Variants in ZKSCAN7 observed in about 807,000 individuals in gnomAD.
The protein encoded by ZKSCAN7 is zinc finger with KRAB and SCAN domains 7, also known as zinc finger protein with KRAB and SCAN domains 7.
ZKSCAN7 carries 38 observed loss-of-function variants against 65.3 expected under a neutral mutation model. The observed-to-expected ratio is 0.58, with a 90% confidence interval of 0.45 to 0.76. The LOEUF is 0.76. Among genes scored for constraint, ZKSCAN7 ranks in the 30% least tolerant of loss-of-function variants. The pLI is 0.00. For missense variants in ZKSCAN7, 815 were observed against 913.3 expected (o/e 0.89, Z 1.39); for synonymous variants, 321 against 321.0 (o/e 1.00, Z 0.00).
downstream of ZKSCAN7, among the ~76,000 whole-genome samples, chr3:44,576,632 C>G (rs1326972433): frequency 6.6e-6 from 1 of 152,160 alleles, no homozygotes; most frequent in Non-Finnish European, 1.5e-5. Flanking sequence ...TGATATTTGT[C>G]TGCAGATAGG....
chr3:44,558,174 G>GGTGT lies in ZKSCAN7; in HGVS notation c.423+724_423+727dup, dbSNP rs113889875. ...AGAGGTAGAATCAGTAGGAGAGAGGGGTGTGTGTGTGTGTGTGTGTGTGGG... is the reference window on the plus strand; with the variant it reads ...AGAGGTAGAATCAGTAGGAGAGAGGGGTGTGTGTGTGTGTGTGTGTGTGTGTGGG... On this transcript the variant is annotated intron_variant, in intron 2 of 5. Coordinates refer to ENST00000426540, the MANE Select transcript of ZKSCAN7 (RefSeq NM_001288590.2). Among the ~76,000 whole-genome samples, 25 of 148,526 alleles carry GGTGT rather than the reference G, an allele frequency of 1.7e-4. No individual in the cohort carries two copies. The East Asian group carries it at 2.0e-3, about 12-fold the overall frequency.
intron 5 of ZKSCAN7, chr3:44,580,904 C>G (rs1339698256): frequency 6.8e-6 from 11 of 1,613,494 alleles, no homozygotes; most frequent in Non-Finnish European, 8.5e-6. Flanking sequence ...TGGGTTTTGC[C>G]TGCGTCAGGT....
rs1699822154 is a variant in ZKSCAN7, at chr3:44,572,086, G to A, written c.*711G>A. 1.0e-6 allele frequency: 1 copy of A among 984,246 alleles called. No homozygotes were observed. The highest frequency in any genetic ancestry group is 4.7e-5 in the South Asian group (1 of 21,258). The allele number at this position is 984,246 out of a possible 1,614,324, so 61.0% of individuals were successfully genotyped here. The stretch of plus-strand genomic sequence containing the variant: ...CTTATTGTAGGCTCTTTGAGGTCAG[G>A]TATGTATTTCTTTCCCATATAGATA... On this transcript the variant is annotated 3_prime_UTR_variant, in exon 6 of 6. Transcript: ENST00000426540.
At position 44,579,571 on chromosome 3, in the gene ZKSCAN7, C is replaced by T. The variant is rs569802729; in HGVS notation, c.812-3401C>T. Among the ~76,000 whole-genome samples, 7 of 152,318 alleles carry T rather than the reference C, an allele frequency of 4.6e-5. 1 individual carries two copies. Among genetic ancestry groups the T allele is most frequent in the Admixed American group, 2.0e-4 (3 of 15,300 alleles). On this transcript the variant is annotated intron_variant, in intron 5 of 5. Transcript: ENST00000341840. Reference sequence around the variant, plus strand: ...CCTCTGGCAACCAGCTGGTCACATCCGGGGCGGTGGTCGGGTGCACATGCT... The same window carrying T: ...CCTCTGGCAACCAGCTGGTCACATCTGGGGCGGTGGTCGGGTGCACATGCT...
At position 44,570,660 on chromosome 3, in the gene ZKSCAN7, A is replaced by T. The variant is rs1204702494; in HGVS notation, c.1550A>T (p.His517Leu). 1 of 1,614,120 alleles carries T rather than the reference A, an allele frequency of 6.2e-7. No individual in the cohort carries two copies. The highest frequency in any genetic ancestry group is 1.1e-5 in the South Asian group (1 of 91,082). ...SKSLARHQVL[H>L]TGKKPYKCNE... ...AGTCTTGCTCGACATCAGGTCCTGC[A>T]CACTGGTAAGAAACCTTACAAATGC... Residue 517 changes from histidine to leucine, a missense_variant, in exon 6 of 6, where the codon CAC (histidine) becomes CTC (leucine). Physicochemically the swap from His to Leu is moderately conservative, Grantham distance 99. Transcript: ENST00000426540.
chr3:44,557,273 C>T lies in ZKSCAN7; in HGVS notation c.226C>T (p.Arg76Trp), dbSNP rs746326139. Reference sequence around the variant, plus strand: ...GCCGCAGGAAGCATTGAGCCGGCTTCGGGAGCTCTGCCGCTGGTGGCTCAT... The same window carrying T: ...GCCGCAGGAAGCATTGAGCCGGCTTTGGGAGCTCTGCCGCTGGTGGCTCAT... ...SGPQEALSRLRELCRWWLMPE... is the reference protein window; with the variant it reads ...SGPQEALSRLWELCRWWLMPE... The change falls in exon 2 of 6, where the codon CGG becomes TGG. Residue 76 changes from arginine (R) to tryptophan (W), a missense_variant. By Grantham distance (101) the Arg-to-Trp change is moderately radical. This residue lies in a region of ZKSCAN7 where 227 missense variants were observed against 253.3 expected (regional missense o/e 0.90). Transcript: ENST00000426540. 2.2e-5 allele frequency: 36 copies of T among 1,614,148 alleles called. No homozygotes were observed. In the Middle Eastern group the frequency reaches 1.2e-3, roughly 52 times the overall value.
chr3:44,557,519 G>C (rs777192238), intron 2 of ZKSCAN7, 49 bp downstream of exon 2: 1 of 1,609,860 alleles, frequency 6.2e-7, no homozygotes, highest in Non-Finnish European at 8.5e-7. Flanking sequence ...CTAATGCTTG[G>C]GTTAGCCTAG....
chr3:44,575,377 C>T (rs1394184299), downstream of ZKSCAN7, among the ~76,000 whole-genome samples: 2 of 152,148 alleles, frequency 1.3e-5, no homozygotes, highest in African/African-American at 4.8e-5. Context: ...TCAGCTCTTC[C>T]GTCTCTAAAG....
downstream of ZKSCAN7, among the ~76,000 whole-genome samples, chr3:44,572,426 A>T (rs923075462): frequency 1.7e-5 from 2 of 116,042 alleles, no homozygotes; most frequent in Admixed American, 1.7e-4. Context: ...GTGTGTGTGT[A>T]TGTGTGTGAA....
downstream of ZKSCAN7, among the ~76,000 whole-genome samples, chr3:44,576,410 T>C (rs1699924605): frequency 1.3e-5 from 2 of 152,212 alleles, no homozygotes; most frequent in African/African-American, 4.8e-5. Context: ...GGGGGCCAAC[T>C]GTATGATGTT....
intron 5 of ZKSCAN7, among the ~76,000 whole-genome samples, chr3:44,578,749 G>T (rs552194461): frequency 1.3e-5 from 2 of 152,308 alleles, no homozygotes; most frequent in Admixed American, 1.3e-4. Flanking sequence ...CTGTCTCCTC[G>T]GCTAGGAGTC....
downstream of ZKSCAN7, among the ~76,000 whole-genome samples, chr3:44,576,706 T>C (rs1353953039): frequency 6.6e-6 from 1 of 152,220 alleles, no homozygotes; most frequent in East Asian, 1.9e-4. Flanking sequence ...GATCTGAAGC[T>C]AAAAGGTTAG....
At chr3:44,568,755 G>A (rs1699709331) in intron 5 of ZKSCAN7, among the ~76,000 whole-genome samples, 1 of 152,204 alleles carries the variant, frequency 6.6e-6, no homozygotes, top group Non-Finnish European at 1.5e-5. Context: ...TGATGAGCTA[G>A]ACCAGACTGT....
chr3:44,570,645 G>T lies in ZKSCAN7; in HGVS notation c.1535G>T (p.Arg512Leu), dbSNP rs61753455. 1 of 1,613,864 alleles carries T rather than the reference G, an allele frequency of 6.2e-7. No individual in the cohort carries two copies. Among genetic ancestry groups the T allele is most frequent in the Non-Finnish European group, 8.5e-7 (1 of 1,179,940 alleles). ...TTCATTCGAAGCAAAAGTCTTGCTC[G>T]ACATCAGGTCCTGCACACTGGTAAG... ...EAFIRSKSLA[R>L]HQVLHTGKKP... The change falls in exon 6 of 6, where the codon CGA becomes CTA. Residue 512 changes from arginine (R) to leucine (L), a missense_variant. Physicochemically the swap from Arg to Leu is moderately radical, Grantham distance 102. Transcript: ENST00000426540.
chr3:44,580,203 TTCAAG>T (rs1700036950), intron 5 of ZKSCAN7: 1 of 1,611,704 alleles, frequency 6.2e-7, no homozygotes, highest in African/African-American at 1.3e-5. Flanking sequence ...TTCTTCGGCC[TTCAAG>T]TCGTGTTTGG....
chr3:44,570,599 T>C lies in ZKSCAN7; in HGVS notation c.1489T>C (p.Cys497Arg). ...CCATACTGGGGAGAAACCTTATGAA[T>C]GCAATGAGTGTGGAGAGGCATTCAT... Reference protein sequence around the residue: ...RTHTGEKPYECNECGEAFIRS... With the variant: ...RTHTGEKPYERNECGEAFIRS... The change falls in exon 6 of 6, where the codon TGC (cysteine) becomes CGC (arginine). Residue 497 changes from cysteine to arginine, a missense_variant. Physicochemically the swap from Cys to Arg is radical, Grantham distance 180. Coordinates refer to ENST00000426540, the MANE Select transcript of ZKSCAN7 (RefSeq NM_001288590.2). 1 of 1,614,048 alleles carries C rather than the reference T, an allele frequency of 6.2e-7. No homozygotes were observed. Among genetic ancestry groups the C allele is most frequent in the Non-Finnish European group, 8.5e-7 (1 of 1,180,024 alleles).
chr3:44,572,346 T>TTGTGTGTGTGTG (rs3080634), downstream of ZKSCAN7, among the ~76,000 whole-genome samples: 2 of 143,646 alleles, frequency 1.4e-5, no homozygotes, highest in African/African-American at 5.2e-5. Context: ...CGAATGGATT[T>TTGTGTGTGTGTG]TGTGTGTGTG....
chr3:44,581,758 C>G (rs1700091614), intron 5 of ZKSCAN7, among the ~76,000 whole-genome samples: 1 of 152,282 alleles, frequency 6.6e-6, no homozygotes, highest in Middle Eastern at 3.4e-3. Context: ...ACTCACTTAC[C>G]TCTTAAACAT....
At chr3:44,568,257 T>G in intron 4 of ZKSCAN7, 50 bp from the exon 5 acceptor site, 4 of 1,594,806 alleles carry the variant, frequency 2.5e-6, no homozygotes, top group Non-Finnish European at 3.4e-6. Flanking sequence ...CTGATGACTC[T>G]GCCCTTCAGG....
Sources: gnomAD v4.1 joint callset for allele counts (sites outside exome capture counted in the v4.1 genomes callset) on GRCh38, gnomAD v4.1.1 for gene constraint, gnomAD v4.1.1 regional missense constraint, MANE v1.5 for transcripts, NCBI Gene and HGNC (gene_info 2026-07-23, HGNC 2026-07-21) for gene names.